MAGI1: variants seen among roughly 807,000 people sequenced by gnomAD.
MAGI1 encodes membrane associated guanylate kinase, WW and PDZ domain containing 1, also known as membrane-associated guanylate kinase, WW and PDZ domain-containing protein 1.
In MAGI1, 58 loss-of-function variants were observed where a neutral mutation model predicts 139.9. The observed-to-expected ratio is 0.41, with a 90% CI of 0.34 to 0.52. The LOEUF (loss-of-function observed/expected upper bound fraction) is 0.52. MAGI1 is among the 20% of genes least tolerant of loss of function. The pLI is 0.12. For missense variants in MAGI1, 1,874 were observed against 1,901.6 expected (o/e 0.99, Z 0.27); for synonymous variants, 812 against 737.9 (o/e 1.10, Z -1.63).
chr3:65,660,614 A>C (rs2086139640), intron 1 of MAGI1, among the ~76,000 whole-genome samples: 1 of 152,236 alleles, frequency 6.6e-6, no homozygotes, highest in Non-Finnish European at 1.5e-5. Flanking sequence ...CTCATTAGGG[A>C]AAAATGAACC....
intron 1 of MAGI1, among the ~76,000 whole-genome samples, chr3:65,955,566 A>G (rs1183466148): frequency 6.6e-6 from 1 of 152,172 alleles, no homozygotes; most frequent in East Asian, 1.9e-4. Context: ...AAGGCTCAGG[A>G]GTGGTGGCAT....
chr3:65,588,938 A>C (rs530111443), intron 2 of MAGI1, among the ~76,000 whole-genome samples: 2 of 152,342 alleles, frequency 1.3e-5, no homozygotes, highest in South Asian at 4.1e-4. Context: ...GACGCTAGGA[A>C]CACAAAAATG....
intron 1 of MAGI1, among the ~76,000 whole-genome samples, chr3:65,950,060 A>C (rs1560420): frequency 2.3e-4 from 4 of 17,744 alleles, no homozygotes; most frequent in Non-Finnish European, 8.7e-4. Context: ...AAAAAAAAAC[A>C]AAAAAACAAA....
At chr3:65,406,801 C>CTA (rs760011370) in intron 12 of MAGI1, among the ~76,000 whole-genome samples, 48 of 145,168 alleles carry the variant, frequency 3.3e-4, no homozygotes, top group Non-Finnish European at 5.6e-4. Context: ...AGATCTCTCT[C>CTA]TCTCTATATA....
At chr3:65,641,736 T>C (rs2107244070) in intron 1 of MAGI1, among the ~76,000 whole-genome samples, 1 of 152,288 alleles carries the variant, frequency 6.6e-6, no homozygotes, top group East Asian at 1.9e-4. Flanking sequence ...TGTTTCTGCC[T>C]GCCCTGACTA....
chr3:65,616,217 GA>G (rs529209730), intron 2 of MAGI1, among the ~76,000 whole-genome samples: 3 of 149,204 alleles, frequency 2.0e-5, no homozygotes, highest in African/African-American at 5.0e-5. Flanking sequence ...AATGGAGAAG[GA>G]CAGGTGTAAG....
At chr3:65,750,799 T>C (rs900560107) in intron 1 of MAGI1, among the ~76,000 whole-genome samples, 1 of 152,226 alleles carries the variant, frequency 6.6e-6, no homozygotes, top group African/African-American at 2.4e-5. Flanking sequence ...GGAGAGCAAG[T>C]AGACCTTGTA....
At chr3:65,678,587 T>A (rs1419342509) in intron 1 of MAGI1, among the ~76,000 whole-genome samples, 3 of 152,136 alleles carry the variant, frequency 2.0e-5, no homozygotes, top group Non-Finnish European at 4.4e-5. Context: ...TAACTGGCAC[T>A]TCCTCAAGTC....
At chr3:65,763,967 G>A (rs2037257318) in intron 1 of MAGI1, among the ~76,000 whole-genome samples, 1 of 151,348 alleles carries the variant, frequency 6.6e-6, no homozygotes, top group African/African-American at 2.4e-5. Flanking sequence ...AGCTACTGGG[G>A]AGGCTGAGGT....
At chr3:65,375,315 AGCAG>A (rs1324119974) in intron 18 of MAGI1, among the ~76,000 whole-genome samples, 3 of 151,480 alleles carry the variant, frequency 2.0e-5, no homozygotes, top group Non-Finnish European at 2.9e-5. Flanking sequence ...CAGCCTCCCG[AGCAG>A]CTGGGACTAC....
intron 1 of MAGI1, among the ~76,000 whole-genome samples, chr3:65,857,817 G>A (rs1023867897): frequency 3.3e-5 from 5 of 152,128 alleles, no homozygotes; most frequent in South Asian, 2.1e-4. Flanking sequence ...CATTCGTTTC[G>A]TGGGGACACA....
intron 1 of MAGI1, among the ~76,000 whole-genome samples, chr3:65,790,610 A>G (rs1021673162): frequency 6.6e-6 from 1 of 152,226 alleles, no homozygotes; most frequent in Admixed American, 6.5e-5. Context: ...GTAGCATTTT[A>G]TAAGTCCTCT....
chr3:65,928,593 T>C (rs933436835), intron 1 of MAGI1, among the ~76,000 whole-genome samples: 5 of 152,186 alleles, frequency 3.3e-5, no homozygotes, highest in African/African-American at 1.2e-4. Context: ...TTTGAGTTAG[T>C]TGCTGTATTC....
intron 22 of MAGI1, among the ~76,000 whole-genome samples, chr3:65,358,242 T>C (rs554978658): frequency 2.0e-5 from 3 of 152,276 alleles, no homozygotes; most frequent in African/African-American, 4.8e-5. Flanking sequence ...AAAGCTAGGA[T>C]GCTTTGTTGC....
At chr3:65,806,197 G>A (rs1251644126) in intron 1 of MAGI1, among the ~76,000 whole-genome samples, 1 of 152,122 alleles carries the variant, frequency 6.6e-6, no homozygotes, top group East Asian at 1.9e-4. Context: ...TTGGGAGGCT[G>A]AGGCAGGTGG....
At chr3:66,006,958 G>C (rs561874962) in intron 1 of MAGI1, among the ~76,000 whole-genome samples, 1 of 152,098 alleles carries the variant, frequency 6.6e-6, no homozygotes, top group South Asian at 2.1e-4. Context: ...AGCCTCCCAA[G>C]TAGCTAGAAC....
At chr3:65,917,699 T>A (rs1326244246) in intron 1 of MAGI1, among the ~76,000 whole-genome samples, 1 of 152,188 alleles carries the variant, frequency 6.6e-6, no homozygotes. Context: ...AACGGCTACA[T>A]ACTATATGAT....
At chr3:65,403,476 T>A (rs1004953963) in intron 12 of MAGI1, among the ~76,000 whole-genome samples, 1 of 152,222 alleles carries the variant, frequency 6.6e-6, no homozygotes, top group African/African-American at 2.4e-5. Context: ...CCTTAAGAAA[T>A]TTTATTAGGT....
At chr3:65,875,534 C>T (rs2060083369) in intron 1 of MAGI1, among the ~76,000 whole-genome samples, 1 of 152,188 alleles carries the variant, frequency 6.6e-6, no homozygotes, top group Non-Finnish European at 1.5e-5. Flanking sequence ...AAACACATGA[C>T]TATGACCAAT....
Sources: gnomAD v4.1 joint callset for allele counts (sites outside exome capture counted in the v4.1 genomes callset) on GRCh38, gnomAD v4.1.1 for gene constraint, MANE v1.5 for transcripts, NCBI Gene and HGNC (gene_info 2026-07-23, HGNC 2026-07-21) for gene names.